The following ITGA3 variants were observed in gnomAD, a reference collection of about 807,000 sequenced individuals.
ITGA3 encodes integrin alpha-3.
In ITGA3, 70 loss-of-function variants were observed where a neutral mutation model predicts 131.1. The ratio of observed to expected loss-of-function variants is 0.53; its 90% confidence interval spans 0.44 to 0.65. ITGA3 has a LOEUF of 0.65. ITGA3 is among the 30% of genes least tolerant of loss of function. ITGA3 has a pLI of 0.00. For missense variants in ITGA3, 1,098 were observed against 1,388.6 expected, an observed-to-expected ratio of 0.79 and a Z score of 3.33; for synonymous variants, 537 against 571.6, an observed-to-expected ratio of 0.94 and a Z score of 0.86.
intron 1 of ITGA3, among the ~76,000 whole-genome samples, chr17:50,057,701 C>A (rs1222789738): frequency 1.3e-5 from 2 of 152,202 alleles, no homozygotes; most frequent in South Asian, 2.1e-4. Context: ...CTAGCCTCTG[C>A]CCCCACCTGG....
intron 5 of ITGA3, 91 bp from the exon 6 acceptor site, chr17:50,071,220 G>T: frequency 3.5e-6 from 4 of 1,143,374 alleles, no homozygotes; most frequent in Non-Finnish European, 5.1e-6. Flanking sequence ...CATCATGGTG[G>T]GGGGCAAGAG....
chr17:50,084,699 C>T (rs1045396931), intron 23 of ITGA3, among the ~76,000 whole-genome samples: 3 of 152,034 alleles, frequency 2.0e-5, no homozygotes, highest in Non-Finnish European at 4.4e-5. Context: ...GTAGGAGGAT[C>T]GCTTGAGCCT....
intron 7 of ITGA3, 46 bp from the exon 8 acceptor site, chr17:50,073,870 G>A: frequency 7.1e-7 from 1 of 1,402,164 alleles, no homozygotes; most frequent in Non-Finnish European, 1.0e-6. Flanking sequence ...GGGAGACGTG[G>A]GGCCCAGAGT....
In ITGA3 at chr17:50,068,222, C is replaced by T. The variant is rs766240466; in HGVS notation, c.581C>T (p.Thr194Met). ...AATAGCAACACAGACTACCTGGAGACGGGCATGTGCCAGCTGGGCACCAGC... is the reference window on the plus strand; with the variant it reads ...AATAGCAACACAGACTACCTGGAGATGGGCATGTGCCAGCTGGGCACCAGC... ...MCNSNTDYLE[T>M]GMCQLGTSGG... Residue 194 changes from threonine to methionine, a missense_variant, in exon 4 of 26, where the codon ACG (threonine) becomes ATG (methionine). Thr to Met is a moderately conservative substitution (Grantham distance 81). Transcript: ENST00000320031. The T allele has an allele frequency of 1.7e-5, 28 of 1,613,968 alleles. No homozygotes were observed. Among genetic ancestry groups the T allele is most frequent in the East Asian group, 4.5e-5 (2 of 44,894 alleles).
chr17:50,078,937 C>A lies in ITGA3; in HGVS notation c.2400+11C>A. 6.4e-7 allele frequency: 1 copy of A among 1,562,228 alleles called. No homozygotes were observed. The highest frequency in any genetic ancestry group is 8.8e-7 in the Non-Finnish European group (1 of 1,132,788). ...AAGTATGAATTCCAGGTAAGGGGCT[C>A]GCCAGAGTCCTGGGCTGGGGACTTC... is the stretch of plus-strand genomic sequence containing the variant. On this transcript the variant is annotated intron_variant, in intron 19 of 25. Transcript: ENST00000320031.
At chr17:50,079,656 G>C (rs1909094325) in intron 21 of ITGA3, 99 bp downstream of exon 21, 1 of 1,289,630 alleles carries the variant, frequency 7.8e-7, no homozygotes, top group Admixed American at 3.4e-5. Context: ...TCAGTGTGAT[G>C]AGGTGATGAG....
In ITGA3 at chr17:50,056,560, G is replaced by C; in HGVS notation, c.121G>C (p.Val41Leu). The change falls in exon 1 of 26, where the codon GTA becomes CTA. Residue 41 changes from valine (V) to leucine (L), a missense_variant. By Grantham distance (32) the Val-to-Leu change is conservative. Transcript: ENST00000320031. This position sits in a 1 kb window ranked among gnomAD's most constrained non-coding sequence, Gnocchi z 5.6. ...CTTCAACCTGGATACCCGATTCCTG[G>C]TAGTGAAGGAGGCCGGGAACCCGGG... is the stretch of plus-strand genomic sequence containing the variant. Reference protein sequence around the residue: ...SAFNLDTRFLVVKEAGNPGSL... With the variant: ...SAFNLDTRFLLVKEAGNPGSL... 6.4e-7 allele frequency: 1 copy of C among 1,571,732 alleles called. No individual in the cohort carries two copies. Among genetic ancestry groups the C allele is most frequent in the Non-Finnish European group, 8.6e-7 (1 of 1,159,484 alleles).
chr17:50,079,589 G>C lies in ITGA3; in HGVS notation c.2706+32G>C, dbSNP rs1445054807. On this transcript the variant is annotated intron_variant, in intron 21 of 25. Coordinates refer to ENST00000320031, the MANE Select transcript of ITGA3 (RefSeq NM_002204.4). Reference sequence around the variant, plus strand: ...GGCCAGGGCGAGGTTGGAGGGGATTGCATCCACCCCATCACAGGGTGCCTG... The same window carrying C: ...GGCCAGGGCGAGGTTGGAGGGGATTCCATCCACCCCATCACAGGGTGCCTG... 2.7e-6 allele frequency: 4 copies of C among 1,492,650 alleles called. No individual in the cohort carries two copies. In the African/African-American group the frequency reaches 4.2e-5, roughly 16 times the overall value. The allele number at this position is 1,492,650 out of a possible 1,614,324, so 92.5% of individuals were successfully genotyped here. A position where few individuals can be genotyped will look rare whatever the true frequency, so the allele number is the denominator to read the frequency against.
At position 50,070,899 on chromosome 17, in the gene ITGA3, G is replaced by C; in HGVS notation, c.720G>C (p.Lys240Asn). ...KEWDLSEYSY[K>N]DPEDQGNLYI... The stretch of plus-strand genomic sequence containing the variant: ...GGGACTTATCTGAGTATAGTTACAA[G>C]GACCCAGAGGACCAAGGAAACCTCT... Residue 240 changes from lysine to asparagine, a missense_variant, in exon 5 of 26, where the codon AAG becomes AAC. Around this residue, in one of 3 missense-constraint regions of ITGA3, gnomAD observed 356 missense variants for 529.2 expected, o/e 0.67. Coordinates refer to ENST00000320031, the MANE Select transcript of ITGA3 (RefSeq NM_002204.4). 1 of 1,611,020 alleles carries C rather than the reference G, an allele frequency of 6.2e-7. No individual in the cohort carries two copies. Among genetic ancestry groups the C allele is most frequent in the Middle Eastern group, 1.6e-4 (1 of 6,062 alleles).
rs550788105 is a variant in ITGA3 at position 50,089,061 on chromosome 17, G to C, written c.*32-49G>C. On this transcript the variant is annotated intron_variant, in intron 25 of 25. Coordinates refer to ENST00000320031, the MANE Select transcript of ITGA3 (RefSeq NM_002204.4). ...AGAGGCCTGGCACTCCTTCCTGGTG[G>C]CTCAAACTCTGGATGCTAATGTTCT... 2.6e-6 allele frequency: 4 copies of C among 1,521,408 alleles called. No individual in the cohort carries two copies. The African/African-American group carries it at 4.1e-5, about 16-fold the overall frequency. 94.2% of individuals were successfully genotyped at this position (1,521,408 alleles called of 1,614,324 possible). A position where few individuals can be genotyped will look rare whatever the true frequency, so the allele number is the denominator to read the frequency against.
rs1359397616 is a variant in ITGA3 at position 50,075,450 on chromosome 17, C to A, written c.1470-9C>A. The A allele has an allele frequency of 6.2e-7, 1 of 1,614,176 alleles. No homozygotes were observed. On this transcript the variant is annotated splice_polypyrimidine_tract_variant and intron_variant, in intron 10 of 25. Coordinates refer to ENST00000320031, the MANE Select transcript of ITGA3 (RefSeq NM_002204.4). ...CTGTGACCCGCCCTCCTGTACATCCCTCCAACAGTGTGCAAGTGGAGCTGT... is the reference window on the plus strand; with the variant it reads ...CTGTGACCCGCCCTCCTGTACATCCATCCAACAGTGTGCAAGTGGAGCTGT...
chr17:50,071,399 G>T lies in ITGA3; in HGVS notation c.840G>T (p.Ala280=). The part of the protein sequence containing the change: ...TGAPRHRHMG[A]VFLLSQEAGG... The stretch of plus-strand genomic sequence containing the variant: ...CCCCACGGCACCGACATATGGGCGC[G>T]GTGTTCTTGCTGAGCCAGGAGGCAG... Residue 280 remains alanine, a synonymous_variant, in exon 6 of 26, where the codon GCG becomes GCT. Transcript: ENST00000320031. 1 of 1,614,194 alleles carries T rather than the reference G, an allele frequency of 6.2e-7. No individual in the cohort carries two copies. The highest frequency in any genetic ancestry group is 8.5e-7 in the Non-Finnish European group (1 of 1,180,040).
In ITGA3 at chr17:50,085,726, A is replaced by G. The variant is rs149182210; in HGVS notation, c.2920-2018A>G. Among the ~76,000 whole-genome samples, 372 of 110,084 alleles carry G rather than the reference A, an allele frequency of 3.4e-3. 3 individuals carry two copies. The highest frequency in any genetic ancestry group is 0.016 in the South Asian group (45 of 2,742). The allele number at this position is 110,084 out of a possible 152,430, so 72.2% of individuals were successfully genotyped here. A position where few individuals can be genotyped will look rare whatever the true frequency, so the allele number is the denominator to read the frequency against. On this transcript the variant is annotated intron_variant, in intron 23 of 25. Coordinates refer to ENST00000320031, the MANE Select transcript of ITGA3 (RefSeq NM_002204.4). ...AGATTATACATTATAGATTTATAAT[A>G]TATATTAGATTATACATTATAGATT...
intron 22 of ITGA3, 91 bp downstream of exon 22, chr17:50,080,466 G>A: frequency 1.0e-5 from 1 of 96,818 alleles, no homozygotes; most frequent in Admixed American, 1.1e-4. Context: ...TAGCATGGGT[G>A]TGTGTGTGTG....
chr17:50,064,258 A>G lies in ITGA3; in HGVS notation c.334+54A>G. On this transcript the variant is annotated intron_variant, in intron 2 of 25. Transcript: ENST00000320031. This position sits in a 1 kb window ranked among gnomAD's most constrained non-coding sequence, Gnocchi z 4.4. ...TGGGTCAGAGGTCTGGCAGGGGGGT[A>G]CCGCAGAGAGAATGGCCTGGAGGAG... 1 of 1,562,592 alleles carries G rather than the reference A, an allele frequency of 6.4e-7. No homozygotes were observed. Among genetic ancestry groups the G allele is most frequent in the South Asian group, 1.2e-5 (1 of 85,544 alleles).
At chr17:50,084,648 G>A (rs575949763) in intron 23 of ITGA3, among the ~76,000 whole-genome samples, 2 of 152,250 alleles carry the variant, frequency 1.3e-5, no homozygotes, top group Admixed American at 1.3e-4. Context: ...GGCTGGGCAT[G>A]GTGGCTTATG....
rs953695332 is a variant in ITGA3, at chr17:50,090,363, C to T, written c.*1285C>T. ...CTCCTGACCCCTGCCTGTTGGCAGG[C>T]CCACTCCCCAGCCCCAGCCCCTTCC... On this transcript the variant is annotated 3_prime_UTR_variant, in exon 26 of 26. Coordinates refer to ENST00000320031, the MANE Select transcript of ITGA3 (RefSeq NM_002204.4). The T allele has an allele frequency of 2.4e-6, 1 of 411,840 alleles. No homozygotes were observed. The allele number at this position is 411,840 out of a possible 1,614,324, so 25.5% of individuals were successfully genotyped here.
At chr17:50,083,112 T>C (rs775369432) in intron 23 of ITGA3, among the ~76,000 whole-genome samples, 14 of 152,164 alleles carry the variant, frequency 9.2e-5, no homozygotes, top group Non-Finnish European at 8.8e-5. Flanking sequence ...GAAAGATCAG[T>C]GGAACAAAAT....
rs377126760 is a variant in ITGA3, at chr17:50,086,040, A to G, written c.2920-1704A>G. 1.5e-4 allele frequency among the ~76,000 whole-genome samples: 2 copies of G among 13,212 alleles called. 1 individual carries two copies. Among genetic ancestry groups the G allele is most frequent in the African/African-American group, 4.7e-4 (2 of 4,224 alleles). 8.7% of individuals were successfully genotyped at this position (13,212 alleles called of 152,430 possible). Reference sequence around the variant, plus strand: ...TATAATATATATTAGATTATGTTATATTATAGATTTATAATATATATTAGA... The same window carrying G: ...TATAATATATATTAGATTATGTTATGTTATAGATTTATAATATATATTAGA... On this transcript the variant is annotated intron_variant, in intron 23 of 25. Transcript: ENST00000320031.
Sources: allele counts gnomAD v4.1 joint callset (sites outside exome capture counted in the v4.1 genomes callset), GRCh38; gene constraint gnomAD v4.1.1; regional missense constraint gnomAD v4.1.1; non-coding constraint Gnocchi (gnomAD v3.1); transcripts MANE v1.5; gene names NCBI Gene and HGNC (gene_info 2026-07-23, HGNC 2026-07-21).